SMARCA2: variants seen among roughly 807,000 people sequenced by gnomAD.
SMARCA2 encodes the protein SWI/SNF-related matrix-associated actin-dependent regulator of chromatin subfamily A member 2.
A neutral mutation model predicts 199.8 loss-of-function variants in SMARCA2; 61 were observed. The observed-to-expected ratio is 0.31, with a 90% confidence interval of 0.25 to 0.38. The LOEUF is 0.38. Among genes scored for constraint, SMARCA2 ranks in the 10% least tolerant of loss-of-function variants. SMARCA2 has a pLI of 1.00. For missense variants in SMARCA2, 1,344 were observed against 2,012.2 expected, an observed-to-expected ratio of 0.67 and a Z score of 6.35; for synonymous variants, 935 against 732.0, an observed-to-expected ratio of 1.28 and a Z score of -4.48.
intron 5 of SMARCA2, among the ~76,000 whole-genome samples, chr9:2,049,460 A>G (rs1292515502): frequency 6.6e-6 from 1 of 152,212 alleles, no homozygotes; most frequent in Non-Finnish European, 1.5e-5. Flanking sequence ...TTTAAATTAC[A>G]TGCATTACAA....
At chr9:2,078,893 C>T (rs1406516055) in intron 14 of SMARCA2, among the ~76,000 whole-genome samples, 1 of 151,656 alleles carries the variant, frequency 6.6e-6, no homozygotes, top group Non-Finnish European at 1.5e-5. Flanking sequence ...TACAGTGAGC[C>T]GAGATAGCAC....
chr9:2,087,228 G>C, intron 18 of SMARCA2, 157 bp downstream of exon 18: 1 of 857,744 alleles, frequency 1.2e-6, no homozygotes, highest in South Asian at 1.7e-5. Flanking sequence ...GTCTTGTGGT[G>C]GGGTTATTTT....
At chr9:2,163,646 T>G (rs1177247563) in intron 28 of SMARCA2, among the ~76,000 whole-genome samples, 2 of 152,214 alleles carry the variant, frequency 1.3e-5, no homozygotes, top group African/African-American at 4.8e-5. Flanking sequence ...TTTTTGCCTT[T>G]GTCTCAGGAG....
At chr9:2,077,963 C>G (rs1821400063) in intron 14 of SMARCA2, among the ~76,000 whole-genome samples, 187 bp downstream of exon 14, 1 of 152,174 alleles carries the variant, frequency 6.6e-6, no homozygotes, top group Admixed American at 6.5e-5. Flanking sequence ...ACCATCTTTA[C>G]TAGGGCATGC....
chr9:2,179,472 T>A (rs1826857225), intron 29 of SMARCA2, among the ~76,000 whole-genome samples: 2 of 152,220 alleles, frequency 1.3e-5, no homozygotes, highest in South Asian at 4.1e-4. Flanking sequence ...CATTTTACAG[T>A]ATTGGCCCCA....
intron 27 of SMARCA2, among the ~76,000 whole-genome samples, chr9:2,131,545 C>T (rs1823949514): frequency 1.3e-5 from 2 of 152,204 alleles, no homozygotes; most frequent in African/African-American, 4.8e-5. Flanking sequence ...GAACACCCTC[C>T]TTTTCCTTGA....
intron 22 of SMARCA2, among the ~76,000 whole-genome samples, chr9:2,102,068 T>C (rs1185116916): frequency 6.6e-6 from 1 of 152,126 alleles, no homozygotes; most frequent in Non-Finnish European, 1.5e-5. Context: ...TGTTTTTCAT[T>C]AGCAATGGAT....
intron 27 of SMARCA2, among the ~76,000 whole-genome samples, chr9:2,137,433 C>T (rs1360158688): frequency 6.6e-6 from 1 of 152,084 alleles, no homozygotes; most frequent in Non-Finnish European, 1.5e-5. Flanking sequence ...ACCTCCTTGC[C>T]TTCATCTCTG....
At chr9:2,093,004 A>G (rs1199400322) in intron 19 of SMARCA2, among the ~76,000 whole-genome samples, 3 of 152,142 alleles carry the variant, frequency 2.0e-5, no homozygotes, top group African/African-American at 4.8e-5. Context: ...TGTTCAGTCC[A>G]TCCCTTTTCT....
chr9:2,040,057 T>A, intron 4 of SMARCA2, 157 bp downstream of exon 4: 1 of 1,363,784 alleles, frequency 7.3e-7, no homozygotes, highest in Non-Finnish European at 9.8e-7. Context: ...ATGGCCAAGA[T>A]TCTTGGTCTT....
At chr9:2,067,118 A>G (rs1324432156) in intron 9 of SMARCA2, among the ~76,000 whole-genome samples, 1 of 152,240 alleles carries the variant, frequency 6.6e-6, no homozygotes, top group Non-Finnish European at 1.5e-5. Flanking sequence ...TGGCAGAATT[A>G]GGTCCAAGGA....
chr9:2,041,735 G>A, intron 4 of SMARCA2: 1 of 244,276 alleles, frequency 4.1e-6, no homozygotes, highest in Non-Finnish European at 7.8e-6. Context: ...AACAGGAAAG[G>A]TTATACAAGA....
At chr9:2,175,657 T>A (rs982622984) in intron 29 of SMARCA2, among the ~76,000 whole-genome samples, 3 of 152,204 alleles carry the variant, frequency 2.0e-5, no homozygotes, top group Non-Finnish European at 4.4e-5. Flanking sequence ...GTAACCCAAT[T>A]AAAGTGTTTG....
intron 17 of SMARCA2, among the ~76,000 whole-genome samples, chr9:2,085,338 C>G (rs1821754038): frequency 6.6e-6 from 1 of 152,190 alleles, no homozygotes; most frequent in Non-Finnish European, 1.5e-5. Context: ...ATTGGAGACG[C>G]CTGGTAATGA....
intron 33 of SMARCA2, 83 bp downstream of exon 33, chr9:2,191,491 CT>C: frequency 6.9e-7 from 1 of 1,459,764 alleles, no homozygotes; most frequent in Non-Finnish European, 9.4e-7. Flanking sequence ...CCCCTTCAGC[CT>C]TTTCGCTTTA....
chr9:2,037,177 A>G (rs1014478847), intron 3 of SMARCA2, among the ~76,000 whole-genome samples: 1 of 152,220 alleles, frequency 6.6e-6, no homozygotes, highest in Non-Finnish European at 1.5e-5. Context: ...GGGTTAATGT[A>G]AGCCTTCTTA....
rs184387341 is a variant in SMARCA2, at chr9:2,041,103, A to C, written c.790+1203A>C. On this transcript the variant is annotated intron_variant, in intron 4 of 33. Transcript: ENST00000349721. ...ACTGTTCCTGGGTTTTGGGCCTTAT[A>C]CCATGGGAGAGAGTTCAGATTAGTA... 301 of 346,446 alleles carry C rather than the reference A, an allele frequency of 8.7e-4. 5 individuals carry two copies. In the East Asian group the frequency reaches 0.011, roughly 13 times the overall value. 21.5% of individuals were successfully genotyped at this position (346,446 alleles called of 1,614,324 possible). A position where few individuals can be genotyped will look rare whatever the true frequency, so the allele number is the denominator to read the frequency against.
chr9:2,076,276 C>A lies in SMARCA2; in HGVS notation c.1983C>A (p.Leu661=), dbSNP rs140384223. The A allele has an allele frequency of 7.8e-5, 126 of 1,612,992 alleles. No homozygotes were observed. The African/African-American group carries it at 1.6e-3, about 20-fold the overall frequency. Residue 661 remains leucine, a synonymous_variant, in exon 13 of 34, where the codon CTC becomes CTA. Coordinates refer to ENST00000349721, the MANE Select transcript of SMARCA2 (RefSeq NM_003070.5). ...SSRQETEEKI[L]LDPNSEEVSE... ...GGCAGGAAACCGAAGAGAAAATACT[C>A]CTGGATCCAAATAGCGAAGAAGTTT...
At chr9:2,080,453 A>G (rs928111964) in intron 14 of SMARCA2, among the ~76,000 whole-genome samples, 1 of 152,234 alleles carries the variant, frequency 6.6e-6, no homozygotes, top group African/African-American at 2.4e-5. Flanking sequence ...AAAAAAGCAG[A>G]AACAAAAATT....
Sources: gnomAD v4.1 joint callset for allele counts (sites outside exome capture counted in the v4.1 genomes callset) on GRCh38, gnomAD v4.1.1 for gene constraint, MANE v1.5 for transcripts, NCBI Gene and HGNC (gene_info 2026-07-23, HGNC 2026-07-21) for gene names.